The following RAD51 variants were observed in gnomAD, a reference collection of about 807,000 sequenced individuals.
RAD51 encodes the protein RAD51 recombinase, also known as DNA repair protein RAD51 homolog 1.
RAD51 carries 14 observed loss-of-function variants against 41.5 expected under a neutral mutation model. The ratio of observed to expected loss-of-function variants is 0.34; its 90% confidence interval spans 0.22 to 0.53. The LOEUF (loss-of-function observed/expected upper bound fraction) is 0.53, where lower values mean the gene tolerates loss of function less well. Among genes scored for constraint, RAD51 ranks in the 20% least tolerant of loss-of-function variants. The pLI is 0.95. For missense variants in RAD51, 234 were observed against 422.0 expected (o/e 0.55, Z 3.90); for synonymous variants, 136 against 148.6 (o/e 0.92, Z 0.62).
chr15:40,696,082 T>G (rs894673912), intron 1 of RAD51, among the ~76,000 whole-genome samples: 1 of 152,160 alleles, frequency 6.6e-6, no homozygotes, highest in African/African-American at 2.4e-5. Context: ...TTCACCATGT[T>G]GGTCAGGCTG....
At chr15:40,725,057 G>A (rs973038195) in intron 6 of RAD51, among the ~76,000 whole-genome samples, 67 of 151,142 alleles carry the variant, frequency 4.4e-4, no homozygotes, top group Admixed American at 3.8e-3. Context: ...CCGCCACCGC[G>A]CCCGGCTAAT....
rs771222355 is a variant in RAD51, at chr15:40,698,863, A to G, written c.87+18A>G. The G allele has an allele frequency of 2.5e-6, 4 of 1,606,536 alleles. No homozygotes were observed. The highest frequency in any genetic ancestry group is 3.4e-6 in the Non-Finnish European group (4 of 1,173,172). ...GGTTAGAGGTATGTGGTTAGTTGCT[A>G]ATTTTGGAATTATATACTAGATTCT... On this transcript the variant is annotated intron_variant, in intron 2 of 9. Coordinates refer to ENST00000267868, the MANE Select transcript of RAD51 (RefSeq NM_002875.5).
intron 5 of RAD51, among the ~76,000 whole-genome samples, chr15:40,709,766 C>A (rs1008811628): frequency 6.6e-6 from 1 of 152,154 alleles, no homozygotes; most frequent in African/African-American, 2.4e-5. Flanking sequence ...TGAAGAGATG[C>A]CAACCTTAGA....
In RAD51 at chr15:40,718,525, A is replaced by T. The variant is rs577207842; in HGVS notation, c.436-280A>T. ...AGTGAGACTATCGCAAGAAAAAAAAAAAAAAGAAGAAAAGAATTTTATTAC... is the reference window on the plus strand; with the variant it reads ...AGTGAGACTATCGCAAGAAAAAAAATAAAAAGAAGAAAAGAATTTTATTAC... On this transcript the variant is annotated intron_variant, in intron 5 of 9. Coordinates refer to ENST00000267868, the MANE Select transcript of RAD51 (RefSeq NM_002875.5). 2.0e-5 allele frequency among the ~76,000 whole-genome samples: 3 copies of T among 152,244 alleles called. No homozygotes were observed. In the East Asian group the frequency reaches 5.8e-4, roughly 29 times the overall value.
chr15:40,712,155 G>T (rs1895737421), intron 5 of RAD51, among the ~76,000 whole-genome samples: 1 of 152,088 alleles, frequency 6.6e-6, no homozygotes, highest in South Asian at 2.1e-4. Flanking sequence ...GTAAGCATTA[G>T]CTGGTCAGGA....
intron 5 of RAD51, among the ~76,000 whole-genome samples, chr15:40,712,369 G>A (rs1002450694): frequency 1.3e-5 from 2 of 152,154 alleles, no homozygotes; most frequent in South Asian, 2.1e-4. Flanking sequence ...GACAAACCCC[G>A]AGTGAAAATT....
At chr15:40,703,285 A>G (rs1475535332) in intron 3 of RAD51, among the ~76,000 whole-genome samples, 2 of 152,202 alleles carry the variant, frequency 1.3e-5, no homozygotes, top group East Asian at 3.8e-4. Context: ...TGAATTGGCC[A>G]GGCTGGTCTC....
chr15:40,723,072 A>C (rs1896363885), intron 6 of RAD51, among the ~76,000 whole-genome samples: 2 of 152,224 alleles, frequency 1.3e-5, no homozygotes, highest in Non-Finnish European at 1.5e-5. Context: ...TCCAAAGAGG[A>C]TATACAAATG....
intron 5 of RAD51, among the ~76,000 whole-genome samples, chr15:40,712,852 G>A (rs1208946613): frequency 1.5e-5 from 2 of 136,694 alleles, no homozygotes; most frequent in African/African-American, 2.7e-5. Flanking sequence ...ACTCAACTCT[G>A]TTGAGTTTTT....
intron 9 of RAD51, among the ~76,000 whole-genome samples, chr15:40,730,833 T>C (rs1375080403): frequency 1.3e-5 from 2 of 151,944 alleles, no homozygotes; most frequent in Non-Finnish European, 2.9e-5. Flanking sequence ...AAATTTTTCT[T>C]TTTTTAATGT....
intron 5 of RAD51, among the ~76,000 whole-genome samples, chr15:40,713,245 CTTTT>C (rs368095686): frequency 7.9e-6 from 1 of 127,142 alleles, no homozygotes. Flanking sequence ...TCTTATTTTC[CTTTT>C]TTTTTTTTTT....
At chr15:40,703,417 G>A (rs980356935) in intron 3 of RAD51, among the ~76,000 whole-genome samples, 1 of 152,162 alleles carries the variant, frequency 6.6e-6, no homozygotes, top group Non-Finnish European at 1.5e-5. Flanking sequence ...ATATAGAAAA[G>A]TTTAGAGAAT....
Position 40,718,799 on chromosome 15 carries a change from C to T in RAD51, c.436-6C>T. The T allele has an allele frequency of 6.3e-7, 1 of 1,599,582 alleles. No homozygotes were observed. Reference sequence around the variant, plus strand: ...TCATTTCTACTGTTGTTTTTGTTCTCTATAGCTTCCCATTGACCGGGGTGG... The same window carrying T: ...TCATTTCTACTGTTGTTTTTGTTCTTTATAGCTTCCCATTGACCGGGGTGG... On this transcript the variant is annotated splice_region_variant and splice_polypyrimidine_tract_variant and intron_variant, in intron 5 of 9. Coordinates refer to ENST00000267868, the MANE Select transcript of RAD51 (RefSeq NM_002875.5).
intron 1 of RAD51, among the ~76,000 whole-genome samples, chr15:40,697,588 T>TC (rs1429616453): frequency 1.9e-4 from 28 of 145,988 alleles, no homozygotes; most frequent in African/African-American, 6.3e-4. Context: ...TTTTTTTTTT[T>TC]TTTTTTTGAG....
chr15:40,711,357 G>A (rs779071298), intron 5 of RAD51, among the ~76,000 whole-genome samples: 3 of 152,220 alleles, frequency 2.0e-5, no homozygotes, highest in Non-Finnish European at 2.9e-5. Flanking sequence ...GAGCCCAAGA[G>A]GTCGAGGCTC....
At chr15:40,698,320 C>T (rs1180054380) in intron 1 of RAD51, among the ~76,000 whole-genome samples, 1 of 151,842 alleles carries the variant, frequency 6.6e-6, no homozygotes, top group Non-Finnish European at 1.5e-5. Flanking sequence ...TCCCGAGTAG[C>T]TGGGACTACA....
In RAD51 at chr15:40,731,688, A is replaced by G. The variant is rs1896883528; in HGVS notation, c.*510A>G. On this transcript the variant is annotated 3_prime_UTR_variant, in exon 10 of 10. Transcript: ENST00000267868. Reference sequence around the variant, plus strand: ...AATGATCTTGTGTAAGGTTTTGGTTATGGAGTCTTGTGCCAAACCTACTAG... The same window carrying G: ...AATGATCTTGTGTAAGGTTTTGGTTGTGGAGTCTTGTGCCAAACCTACTAG... 4.2e-6 allele frequency: 1 copy of G among 237,452 alleles called. No individual in the cohort carries two copies. The highest frequency in any genetic ancestry group is 8.4e-6 in the Non-Finnish European group (1 of 119,288). 14.7% of individuals were successfully genotyped at this position (237,452 alleles called of 1,614,324 possible).
intron 5 of RAD51, among the ~76,000 whole-genome samples, chr15:40,714,710 G>A (rs1414738497): frequency 6.6e-6 from 1 of 152,194 alleles, no homozygotes; most frequent in East Asian, 1.9e-4. Context: ...GAGGATGTTA[G>A]ACTATTACTT....
chr15:40,718,229 A>C (rs1896082573), intron 5 of RAD51, among the ~76,000 whole-genome samples: 2 of 150,346 alleles, frequency 1.3e-5, no homozygotes, highest in African/African-American at 4.9e-5. Flanking sequence ...TCTCCAAAAC[A>C]AAAAAAGGCC....
Sources: allele counts gnomAD v4.1 joint callset (sites outside exome capture counted in the v4.1 genomes callset), GRCh38; gene constraint gnomAD v4.1.1; transcripts MANE v1.5; gene names NCBI Gene and HGNC (gene_info 2026-07-23, HGNC 2026-07-21).